The following ACBD6 variants were observed in gnomAD, a reference collection of about 807,000 sequenced individuals.
The protein encoded by ACBD6 is acyl-CoA binding domain containing 6.
In ACBD6, 28 loss-of-function variants were observed where a neutral mutation model predicts 37.2. The observed-to-expected ratio is 0.75, with a 90% CI of 0.56 to 1.03. The LOEUF (loss-of-function observed/expected upper bound fraction) is 1.03. ACBD6 is among the 50% of genes least tolerant of loss of function. ACBD6 has a pLI of 0.00. For synonymous variants in ACBD6, 113 were observed against 126.8 expected (o/e 0.89, Z 0.73); for missense variants, 340 against 337.4 (o/e 1.01, Z -0.06).
At chr1:180,401,786 C>T (rs1185754734) in intron 5 of ACBD6, among the ~76,000 whole-genome samples, 1 of 101,414 alleles carries the variant, frequency 9.9e-6, no homozygotes, top group Non-Finnish European at 2.0e-5. Flanking sequence ...AAATTCTGTC[C>T]AGAAAAAAAA....
chr1:180,385,846 G>A (rs879787689), intron 6 of ACBD6, among the ~76,000 whole-genome samples: 2 of 152,150 alleles, frequency 1.3e-5, no homozygotes, highest in Non-Finnish European at 2.9e-5. Flanking sequence ...GGACCAAGTA[G>A]ACTAACACAT....
At chr1:180,286,415 C>T (rs1351108136), downstream of ACBD6, among the ~76,000 whole-genome samples, 1 of 152,176 alleles carries the variant, frequency 6.6e-6, no homozygotes, top group African/African-American at 2.4e-5. Flanking sequence ...TCCTTAATAG[C>T]TTCTTGCTCA....
At chr1:180,396,351 G>C (rs1378104079) in intron 6 of ACBD6, among the ~76,000 whole-genome samples, 1 of 152,098 alleles carries the variant, frequency 6.6e-6, no homozygotes, top group Non-Finnish European at 1.5e-5. Flanking sequence ...CAAAACCTTA[G>C]GTTCTGGAAA....
At chr1:180,319,093 T>C (rs1650950693) in intron 6 of ACBD6, among the ~76,000 whole-genome samples, 2 of 152,266 alleles carry the variant, frequency 1.3e-5, no homozygotes, top group Admixed American at 1.3e-4. Flanking sequence ...TAAGACTCAG[T>C]TCACCTTCTT....
Position 180,408,671 on chromosome 1 carries a change from T to TAATAA in ACBD6, c.573+4690_573+4694dup, listed in dbSNP as rs1408803322. Reference sequence around the variant, plus strand: ...TACCCTAAAACTTAAAGTATAATAATAATAAAATAAAATAAAAAAGTTGTG... The same window carrying TAATAA: ...TACCCTAAAACTTAAAGTATAATAATAATAAAATAAAATAAAATAAAAAAGTTGTG... On this transcript the variant is annotated intron_variant, in intron 5 of 7. Transcript: ENST00000367595. 2.6e-5 allele frequency among the ~76,000 whole-genome samples: 4 copies of TAATAA among 151,558 alleles called. No individual in the cohort carries two copies. In the South Asian group the frequency reaches 8.3e-4, roughly 32 times the overall value.
At chr1:180,433,117 T>C (rs1648875968) in intron 3 of ACBD6, among the ~76,000 whole-genome samples, 1 of 152,190 alleles carries the variant, frequency 6.6e-6, no homozygotes, top group Non-Finnish European at 1.5e-5. Flanking sequence ...CCAATATCCC[T>C]GATGAATATT....
chr1:180,449,379 G>A (rs533116199), intron 3 of ACBD6, among the ~76,000 whole-genome samples: 11 of 151,488 alleles, frequency 7.3e-5, no homozygotes, highest in African/African-American at 2.7e-4. Flanking sequence ...GATACAAAAC[G>A]GAGCAACATA....
In ACBD6 at chr1:180,318,095, G is replaced by A. The variant is rs958715731; in HGVS notation, c.664-3373C>T. ...CGGGATTGCTTGAACCCAGGAGATG[G>A]AGGTTGCAGTGAGCTGAGATAGCGC... On this transcript the variant is annotated intron_variant, in intron 6 of 7. Transcript: ENST00000367595. 2.0e-5 allele frequency among the ~76,000 whole-genome samples: 3 copies of A among 149,496 alleles called. No homozygotes were observed. In the South Asian group the frequency reaches 6.5e-4, roughly 32 times the overall value.
chr1:180,411,034 A>AT (rs1244398993), intron 5 of ACBD6, among the ~76,000 whole-genome samples: 3 of 152,178 alleles, frequency 2.0e-5, no homozygotes, highest in African/African-American at 7.2e-5. Flanking sequence ...GATGACACAG[A>AT]TAAGGATTCA....
At chr1:180,428,422 CTG>C (rs375226326) in intron 4 of ACBD6, among the ~76,000 whole-genome samples, 15 of 152,314 alleles carry the variant, frequency 9.8e-5, no homozygotes, top group African/African-American at 2.9e-4. Context: ...CAAAAATAAA[CTG>C]TATTATTCTT....
intron 6 of ACBD6, among the ~76,000 whole-genome samples, chr1:180,380,587 T>C (rs1438859217): frequency 2.7e-5 from 4 of 150,238 alleles, no homozygotes; most frequent in African/African-American, 9.7e-5. Flanking sequence ...CTCAGTATAA[T>C]AACATGCTGT....
intron 6 of ACBD6, among the ~76,000 whole-genome samples, chr1:180,384,211 T>C (rs1210346104): frequency 2.7e-5 from 4 of 148,272 alleles, no homozygotes; most frequent in South Asian, 2.1e-4. Context: ...ATCAAAAGAG[T>C]AAAGAGTCAA....
At chr1:180,454,361 T>C (rs936509490) in intron 3 of ACBD6, among the ~76,000 whole-genome samples, 11 of 152,276 alleles carry the variant, frequency 7.2e-5, no homozygotes, top group East Asian at 3.9e-4. Flanking sequence ...TTACACCTTA[T>C]ACAAAAATTA....
intron 3 of ACBD6, among the ~76,000 whole-genome samples, chr1:180,488,115 G>A (rs1651347658): frequency 6.6e-6 from 1 of 152,122 alleles, no homozygotes; most frequent in Non-Finnish European, 1.5e-5. Context: ...GTGTGTGTGT[G>A]TGTGTTACAT....
chr1:180,323,220 C>CA (rs570158646), intron 6 of ACBD6, among the ~76,000 whole-genome samples: 429 of 151,920 alleles, frequency 2.8e-3, no homozygotes, highest in African/African-American at 1.0e-2. Flanking sequence ...CAGAAATCCT[C>CA]AAAAAAATAG....
chr1:180,303,996 T>A (rs1035154412), intron 7 of ACBD6, among the ~76,000 whole-genome samples: 1 of 150,696 alleles, frequency 6.6e-6, no homozygotes, highest in Non-Finnish European at 1.5e-5. Context: ...ACAGAACCAA[T>A]GACAAAAATC....
At chr1:180,454,720 G>T (rs530688874) in intron 3 of ACBD6, among the ~76,000 whole-genome samples, 5 of 152,276 alleles carry the variant, frequency 3.3e-5, no homozygotes, top group South Asian at 4.1e-4. Flanking sequence ...GATATCAATA[G>T]ACACTTCTCA....
chr1:180,364,913 T>G (rs1164515719), intron 6 of ACBD6, among the ~76,000 whole-genome samples: 1 of 152,048 alleles, frequency 6.6e-6, no homozygotes, highest in Non-Finnish European at 1.5e-5. Context: ...TTCTGTAGTT[T>G]TAATAGAGAC....
Position 180,383,592 on chromosome 1 carries a change from T to A in ACBD6, c.663+13924A>T, listed in dbSNP as rs1653739763. Among the ~76,000 whole-genome samples, 4 of 152,164 alleles carry A rather than the reference T, an allele frequency of 2.6e-5. No homozygotes were observed. In the South Asian group the frequency reaches 8.3e-4, roughly 31 times the overall value. ...AAGAATACTGTTTAAATGACCACAC[T>A]GCCCAAAGTAATCTACAGATTCAAT... On this transcript the variant is annotated intron_variant, in intron 6 of 7. Transcript: ENST00000367595.
Sources: allele counts gnomAD v4.1 joint callset (sites outside exome capture counted in the v4.1 genomes callset), GRCh38; gene constraint gnomAD v4.1.1; transcripts MANE v1.5; gene names NCBI Gene and HGNC (gene_info 2026-07-23, HGNC 2026-07-21).